The following NFIA variants were observed in gnomAD, a reference collection of about 807,000 sequenced individuals.
NFIA encodes nuclear factor 1 A-type.
NFIA carries 8 observed loss-of-function variants against 62.8 expected under a neutral mutation model. The ratio of observed to expected loss-of-function variants is 0.13; its 90% CI spans 0.07 to 0.23. The LOEUF (loss-of-function observed/expected upper bound fraction) is 0.23. Among genes scored for constraint, NFIA ranks in the 10% least tolerant of loss-of-function variants. The probability of loss-of-function intolerance (pLI) is 1.00; values close to 1 mark genes in which losing one functional copy is unlikely to be tolerated. For synonymous variants in NFIA, 235 were observed against 238.1 expected, an observed-to-expected ratio of 0.99 and a Z score of 0.12; for missense variants, 410 against 642.1, an observed-to-expected ratio of 0.64 and a Z score of 3.91.
At chr1:61,289,941 G>A (rs905212796) in intron 3 of NFIA, among the ~76,000 whole-genome samples, 1 of 151,514 alleles carries the variant, frequency 6.6e-6, no homozygotes, top group Non-Finnish European at 1.5e-5. Context: ...AATGTAGCTC[G>A]CCTTCTCTCT....
intron 8 of NFIA, 60 bp downstream of exon 8, chr1:61,404,342 A>AG: frequency 6.8e-7 from 1 of 1,471,790 alleles, no homozygotes; most frequent in Non-Finnish European, 9.1e-7. Flanking sequence ...AAAAATAACA[A>AG]GGGGAGACCT....
At chr1:61,084,021 G>A (rs1646173445) in intron 1 of NFIA, among the ~76,000 whole-genome samples, 2 of 151,980 alleles carry the variant, frequency 1.3e-5, no homozygotes, top group South Asian at 4.2e-4. Flanking sequence ...AAGTCAAAGT[G>A]GTTTTGCGCT....
intron 3 of NFIA, among the ~76,000 whole-genome samples, chr1:61,325,039 C>CAGTA (rs1333336722): frequency 6.6e-6 from 1 of 152,190 alleles, no homozygotes; most frequent in Non-Finnish European, 1.5e-5. Flanking sequence ...TGCTCCTGAA[C>CAGTA]AGTAGTACAG....
At position 61,411,255 on chromosome 1, in the gene NFIA, GA is replaced by G. The variant is rs200951809; in HGVS notation, c.1420+4536del. 9.2e-4 allele frequency among the ~76,000 whole-genome samples: 140 copies of G among 151,616 alleles called. 1 individual carries two copies. Among genetic ancestry groups the G allele is most frequent in the African/African-American group, 3.1e-3 (128 of 41,308 alleles). ...AAGCAGGGGGAAGGCAGATGTGGGGGAAAAAAAATCCTGTGAAATAAATACA... is the reference window on the plus strand; with the variant it reads ...AAGCAGGGGGAAGGCAGATGTGGGGGAAAAAAATCCTGTGAAATAAATACA... On this transcript the variant is annotated intron_variant, in intron 9 of 10. Coordinates refer to ENST00000403491, the MANE Select transcript of NFIA (RefSeq NM_001134673.4).
chr1:61,365,299 G>A (rs1663529107), intron 6 of NFIA, among the ~76,000 whole-genome samples: 1 of 152,120 alleles, frequency 6.6e-6, no homozygotes, highest in Admixed American at 6.5e-5. Flanking sequence ...GCAAAGCACT[G>A]ATTTAGGCTG....
chr1:61,228,354 A>C (rs546251451), intron 2 of NFIA, among the ~76,000 whole-genome samples: 1 of 152,298 alleles, frequency 6.6e-6, no homozygotes, highest in Non-Finnish European at 1.5e-5. Flanking sequence ...AGATGGATAG[A>C]CAGAGCTGGG....
chr1:61,277,523 C>T lies in NFIA; in HGVS notation c.563C>T (p.Ser188Leu), dbSNP rs765264904. The change falls in exon 3 of 11, where the codon TCA (serine) becomes TTA (leucine). Residue 188 changes from serine (S) to leucine (L), a missense_variant. By Grantham distance (145) the Ser-to-Leu change is moderately radical. Transcript: ENST00000403491. ...GCTGTATTTTTATGTTTTTCAGATT[C>T]AAGTCAATCTGAAAGTCCCAGCCAG... ...YLAYFVHAAD[S>L]SQSESPSQPS... The T allele has an allele frequency of 2.5e-6, 4 of 1,613,550 alleles. No homozygotes were observed. The Admixed American group carries it at 6.7e-5, about 27-fold the overall frequency.
chr1:61,259,436 C>T (rs773823428), intron 2 of NFIA, among the ~76,000 whole-genome samples: 15 of 152,148 alleles, frequency 9.9e-5, no homozygotes, highest in African/African-American at 3.6e-4. Context: ...TAGGCAAGTA[C>T]GAGCTGTGTG....
chr1:61,354,513 AAC>A (rs1287786475), intron 5 of NFIA, among the ~76,000 whole-genome samples: 2 of 152,318 alleles, frequency 1.3e-5, no homozygotes, highest in Admixed American at 6.5e-5. Flanking sequence ...ATAATTTGAC[AAC>A]ACACACAGTG....
At chr1:61,367,896 A>G (rs916412175) in intron 6 of NFIA, among the ~76,000 whole-genome samples, 1 of 151,664 alleles carries the variant, frequency 6.6e-6, no homozygotes, top group Non-Finnish European at 1.5e-5. Context: ...CTGGCGACTT[A>G]GTAGCCATTC....
intron 10 of NFIA, among the ~76,000 whole-genome samples, chr1:61,445,572 C>T (rs1667771899): frequency 1.3e-5 from 2 of 152,110 alleles, no homozygotes; most frequent in African/African-American, 2.4e-5. Context: ...CCATAAAACC[C>T]TAAATCCTAC....
chr1:61,439,040 C>CACACACA (rs1299240040), intron 10 of NFIA, among the ~76,000 whole-genome samples: 1 of 147,612 alleles, frequency 6.8e-6, no homozygotes, highest in African/African-American at 2.5e-5. Flanking sequence ...CACACACACA[C>CACACACA]CTGCTACATA....
chr1:61,287,837 A>G (rs925505469), intron 3 of NFIA, among the ~76,000 whole-genome samples: 1 of 152,238 alleles, frequency 6.6e-6, no homozygotes, highest in Admixed American at 6.5e-5. Context: ...TGGAGGTTAC[A>G]TAGGCAATAG....
chr1:61,422,333 A>T (rs939216714), intron 9 of NFIA, among the ~76,000 whole-genome samples: 1 of 152,182 alleles, frequency 6.6e-6, no homozygotes, highest in African/African-American at 2.4e-5. Flanking sequence ...TTCTTCAGTC[A>T]TATTTTTTCC....
chr1:61,275,903 A>T (rs1657778593), intron 2 of NFIA, among the ~76,000 whole-genome samples: 1 of 152,130 alleles, frequency 6.6e-6, no homozygotes, highest in Non-Finnish European at 1.5e-5. Context: ...TTATGTAGTT[A>T]AAATTTTAAA....
chr1:61,229,080 A>G (rs1484645706), intron 2 of NFIA, among the ~76,000 whole-genome samples: 1 of 152,076 alleles, frequency 6.6e-6, no homozygotes, highest in East Asian at 1.9e-4. Flanking sequence ...GAGGAAATAA[A>G]TATGTTTCAT....
intron 7 of NFIA, among the ~76,000 whole-genome samples, chr1:61,384,764 A>G (rs17122076): frequency 6.6e-6 from 1 of 152,088 alleles, no homozygotes; most frequent in Non-Finnish European, 1.5e-5. Flanking sequence ...TCTAAATGCT[A>G]ACTGAATGGT....
At chr1:61,121,691 TAA>T (rs1330217259) in intron 2 of NFIA, among the ~76,000 whole-genome samples, 1 of 152,068 alleles carries the variant, frequency 6.6e-6, no homozygotes, top group Non-Finnish European at 1.5e-5. Flanking sequence ...TTACCCTCAA[TAA>T]GTTAAAAGAA....
intron 2 of NFIA, among the ~76,000 whole-genome samples, chr1:61,231,350 AAAAAT>A: frequency 6.6e-6 from 1 of 152,226 alleles, no homozygotes; most frequent in East Asian, 1.9e-4. Flanking sequence ...TTTCAGGAAT[AAAAAT>A]AAAGTCCTAT....
Sources: gnomAD v4.1 joint callset for allele counts (sites outside exome capture counted in the v4.1 genomes callset) on GRCh38, gnomAD v4.1.1 for gene constraint, MANE v1.5 for transcripts, NCBI Gene and HGNC (gene_info 2026-07-23, HGNC 2026-07-21) for gene names.